The following DLC1 variants were observed in gnomAD, a reference collection of about 807,000 sequenced individuals.
The protein encoded by DLC1 is rho GTPase-activating protein 7.
Under a neutral mutation model 140.3 loss-of-function variants are expected in DLC1, and 54 were observed. The ratio of observed to expected loss-of-function variants is 0.38; its 90% CI spans 0.31 to 0.48. The LOEUF is 0.48. Among genes scored for constraint, DLC1 ranks in the 20% least tolerant of loss-of-function variants. DLC1 has a pLI of 0.96. For synonymous variants in DLC1, 986 were observed against 728.1 expected, an observed-to-expected ratio of 1.35 and a Z score of -5.70; for missense variants, 2,536 against 1,907.0, an observed-to-expected ratio of 1.33 and a Z score of -6.14.
At chr8:13,460,913 G>A (rs978284806) in intron 2 of DLC1, among the ~76,000 whole-genome samples, 5 of 152,200 alleles carry the variant, frequency 3.3e-5, no homozygotes, top group African/African-American at 4.8e-5. Flanking sequence ...GGTCCTGTGC[G>A]TGTAAAAATA....
chr8:13,243,414 C>A (rs150412483), intron 5 of DLC1, among the ~76,000 whole-genome samples: 1,973 of 152,048 alleles, frequency 0.013, 58 homozygotes, highest in African/African-American at 0.046. Flanking sequence ...TGAGGCCTCC[C>A]CAGCCATGCC....
Position 13,414,600 on chromosome 8 carries a change from A to C in DLC1, c.1024-12981T>G, listed in dbSNP as rs553121505. Among the ~76,000 whole-genome samples, 377 of 152,314 alleles carry C rather than the reference A, an allele frequency of 2.5e-3. 2 individuals are homozygous for C. The highest frequency in any genetic ancestry group is 8.9e-3 in the African/African-American group (368 of 41,578). On this transcript the variant is annotated intron_variant, in intron 2 of 17. Coordinates refer to ENST00000276297, the MANE Select transcript of DLC1 (RefSeq NM_182643.3). ...GACCTTGGCTTTCTACCATAAACCC[A>C]AACTGACATTTTCTAAGAAGTGACA...
At chr8:13,236,847 A>G (rs932246092) in intron 5 of DLC1, among the ~76,000 whole-genome samples, 3 of 151,528 alleles carry the variant, frequency 2.0e-5, no homozygotes, top group African/African-American at 7.3e-5. Flanking sequence ...GTTCAGTGCT[A>G]GAAAAACAAA....
At chr8:13,179,590 T>G (rs1446426751) in intron 5 of DLC1, among the ~76,000 whole-genome samples, 1 of 151,796 alleles carries the variant, frequency 6.6e-6, no homozygotes, top group Non-Finnish European at 1.5e-5. Flanking sequence ...GCATGGTAGC[T>G]CACACCTGTA....
chr8:13,116,586 T>C (rs1049458734), intron 5 of DLC1, among the ~76,000 whole-genome samples: 1 of 152,206 alleles, frequency 6.6e-6, no homozygotes, highest in Non-Finnish European at 1.5e-5. Context: ...TCATTAAGCA[T>C]CTCTCTCAAG....
chr8:13,219,667 A>G (rs1487042530), intron 5 of DLC1, among the ~76,000 whole-genome samples: 1 of 151,954 alleles, frequency 6.6e-6, no homozygotes, highest in Non-Finnish European at 1.5e-5. Context: ...CTATATCTAT[A>G]TCTCCAAGAA....
intron 4 of DLC1, among the ~76,000 whole-genome samples, chr8:13,332,672 A>C (rs890718802): frequency 1.1e-4 from 17 of 152,070 alleles, no homozygotes; most frequent in African/African-American, 4.1e-4. Flanking sequence ...ACCTCAAGTG[A>C]AACGCCCGAC....
At chr8:13,295,010 G>A (rs1345632045) in intron 5 of DLC1, among the ~76,000 whole-genome samples, 1 of 152,136 alleles carries the variant, frequency 6.6e-6, no homozygotes, top group Admixed American at 6.6e-5. Context: ...AACTTCAACC[G>A]AAACATCTGT....
chr8:13,381,429 T>G (rs2117161485), intron 4 of DLC1, among the ~76,000 whole-genome samples: 1 of 152,354 alleles, frequency 6.6e-6, no homozygotes, highest in Admixed American at 6.5e-5. Flanking sequence ...CTGGTAGATA[T>G]GTCTGGTAGA....
intron 2 of DLC1, among the ~76,000 whole-genome samples, chr8:13,449,080 C>G (rs574965787): frequency 3.3e-5 from 5 of 152,216 alleles, no homozygotes; most frequent in East Asian, 1.9e-4. Context: ...ACCTTACAAG[C>G]CACAATCATT....
At chr8:13,598,331 C>T (rs1317643683) in intron 1 of DLC1, among the ~76,000 whole-genome samples, 1 of 151,424 alleles carries the variant, frequency 6.6e-6, no homozygotes, top group Non-Finnish European at 1.5e-5. Context: ...CAGCCTGGGA[C>T]AGGGAGGAAA....
chr8:13,126,480 C>T (rs931359930), intron 5 of DLC1, among the ~76,000 whole-genome samples: 1 of 152,040 alleles, frequency 6.6e-6, no homozygotes, highest in Admixed American at 6.6e-5. Flanking sequence ...TGGAATAGCT[C>T]ATAAAGTACG....
At chr8:13,506,823 A>G (rs1234011897) in intron 1 of DLC1, among the ~76,000 whole-genome samples, 1 of 152,034 alleles carries the variant, frequency 6.6e-6, no homozygotes, top group African/African-American at 2.4e-5. Context: ...ATATGAACGA[A>G]GAAGAAGACA....
intron 2 of DLC1, among the ~76,000 whole-genome samples, chr8:13,495,855 A>T (rs1185427613): frequency 6.6e-6 from 1 of 152,208 alleles, no homozygotes; most frequent in Non-Finnish European, 1.5e-5. Context: ...GATCCCCCTT[A>T]TAAGCTCTTT....
Position 13,499,692 on chromosome 8 carries a change from A to T in DLC1, c.380T>A (p.Val127Asp). 1 of 1,613,988 alleles carries T rather than the reference A, an allele frequency of 6.2e-7. No individual in the cohort carries two copies. The highest frequency in any genetic ancestry group is 2.2e-5 in the East Asian group (1 of 44,872). Reference sequence around the variant, plus strand: ...TGTTTTCTGCCCTTGGGTATTTAAAACCTGTTTATCATCTGTAAGGCATAA... The same window carrying T: ...TGTTTTCTGCCCTTGGGTATTTAAATCCTGTTTATCATCTGTAAGGCATAA... ...ADLCLTDDKQ[V>D]LNTQGQKTSG... The change falls in exon 2 of 18, where the codon GTT (valine) becomes GAT (aspartate). Residue 127 changes from valine (V) to aspartate (D), a missense_variant. Physicochemically the swap from Val to Asp is radical, Grantham distance 152. Transcript: ENST00000276297.
chr8:13,199,504 G>A (rs2117059880), intron 5 of DLC1, among the ~76,000 whole-genome samples: 1 of 152,158 alleles, frequency 6.6e-6, no homozygotes. Context: ...GAACCCTACT[G>A]CAACATCATG....
intron 2 of DLC1, among the ~76,000 whole-genome samples, chr8:13,424,739 ATT>A (rs1295147616): frequency 2.6e-5 from 4 of 151,706 alleles, no homozygotes; most frequent in African/African-American, 9.7e-5. Context: ...CGCTTGGCTA[ATT>A]TTTTTGTATT....
In DLC1 at chr8:13,084,453, G is replaced by T. The variant is rs1389185260; in HGVS notation, c.*1358C>A. The T allele has an allele frequency of 6.6e-6, 1 of 152,434 alleles. No individual in the cohort carries two copies. The highest frequency in any genetic ancestry group is 1.5e-5 in the Non-Finnish European group (1 of 68,008). 9.4% of individuals were successfully genotyped at this position (152,434 alleles called of 1,614,324 possible). Reference sequence around the variant, plus strand: ...TAAATTTACTAATACTGTCTCTTGAGTCAATCCTTACCATTACAGTAAAAC... The same window carrying T: ...TAAATTTACTAATACTGTCTCTTGATTCAATCCTTACCATTACAGTAAAAC... On this transcript the variant is annotated 3_prime_UTR_variant, in exon 18 of 18. Transcript: ENST00000276297.
At chr8:13,227,615 C>A (rs755026144) in intron 5 of DLC1, among the ~76,000 whole-genome samples, 1 of 152,188 alleles carries the variant, frequency 6.6e-6, no homozygotes, top group African/African-American at 2.4e-5. Flanking sequence ...AACATACATA[C>A]ACTCGACCCC....
Sources: gnomAD v4.1 joint callset for allele counts (sites outside exome capture counted in the v4.1 genomes callset) on GRCh38, gnomAD v4.1.1 for gene constraint, MANE v1.5 for transcripts, NCBI Gene and HGNC (gene_info 2026-07-23, HGNC 2026-07-21) for gene names.